ACER3: variants seen among roughly 807,000 people sequenced by gnomAD.
ACER3 encodes the protein alkCDase 3.
In ACER3, 16 loss-of-function variants were observed where a neutral mutation model predicts 48.9. The ratio of observed to expected loss-of-function variants is 0.33; its 90% CI spans 0.22 to 0.50. ACER3 has a LOEUF of 0.50. Ranked by LOEUF, ACER3 falls within the 20% of genes least tolerant of loss-of-function variation. ACER3 has a pLI of 0.98. For synonymous variants in ACER3, 109 were observed against 107.8 expected (o/e 1.01, Z -0.07); for missense variants, 227 against 326.0 (o/e 0.70, Z 2.34).
At chr11:76,911,929 G>A (rs1946388460) in intron 1 of ACER3, among the ~76,000 whole-genome samples, 1 of 152,156 alleles carries the variant, frequency 6.6e-6, no homozygotes, top group African/African-American at 2.4e-5. Flanking sequence ...AATTCTTAGA[G>A]GGAAGCTGGG....
chr11:76,881,624 TG>T (rs1245147567), intron 1 of ACER3, among the ~76,000 whole-genome samples: 2 of 152,278 alleles, frequency 1.3e-5, no homozygotes, highest in East Asian at 3.9e-4. Context: ...CTACCTACCT[TG>T]TTCTTTATGC....
intron 1 of ACER3, among the ~76,000 whole-genome samples, chr11:76,878,728 A>C (rs1945448397): frequency 6.6e-6 from 1 of 152,046 alleles, no homozygotes. Flanking sequence ...GTTTATGTTT[A>C]GTTTTCTAAG....
At chr11:76,886,225 C>T (rs952547130) in intron 1 of ACER3, among the ~76,000 whole-genome samples, 1 of 152,090 alleles carries the variant, frequency 6.6e-6, no homozygotes, top group Non-Finnish European at 1.5e-5. Flanking sequence ...CTGCAAATGG[C>T]CCTGTGGCTG....
At chr11:76,944,804 C>G (rs544316905) in intron 2 of ACER3, among the ~76,000 whole-genome samples, 120 of 152,104 alleles carry the variant, frequency 7.9e-4, no homozygotes, top group African/African-American at 2.8e-3. Context: ...GTTTTCTGAA[C>G]TTTTTGATCT....
Position 76,975,167 on chromosome 11 carries a change from G to A in ACER3, c.268-1122G>A, listed in dbSNP as rs568325325. Among the ~76,000 whole-genome samples the A allele has an allele frequency of 1.1e-4, 17 of 152,066 alleles. No individual in the cohort carries two copies. The East Asian group carries it at 2.7e-3, about 24-fold the overall frequency. On this transcript the variant is annotated intron_variant, in intron 3 of 10. Coordinates refer to ENST00000532485, the MANE Select transcript of ACER3 (RefSeq NM_018367.7). ...TTCTTTGGCTTTTGTGTCTTTTGTT[G>A]GAGTCCTTACTCTATATTTAATCAT...
intron 1 of ACER3, among the ~76,000 whole-genome samples, chr11:76,872,894 C>CTTTTTTTTTTTTTTTTTTTTTTTTTTT (rs1945276868): frequency 8.0e-6 from 1 of 124,782 alleles, no homozygotes; most frequent in Non-Finnish European, 1.7e-5. Context: ...TTCTTTCTTT[C>CTTTTTTTTTTTTTTTTTTTTTTTTTTT]TTTCTTTTTT....
intron 2 of ACER3, among the ~76,000 whole-genome samples, chr11:76,951,212 C>T (rs1214498307): frequency 6.6e-6 from 1 of 152,150 alleles, no homozygotes; most frequent in Non-Finnish European, 1.5e-5. Context: ...AAATAAAAGT[C>T]TTAACGGGAA....
chr11:76,895,487 G>T (rs150334216), intron 1 of ACER3, among the ~76,000 whole-genome samples: 2 of 152,194 alleles, frequency 1.3e-5, no homozygotes, highest in African/African-American at 4.8e-5. Context: ...AAAGTAGAAA[G>T]AGAGATATAA....
At chr11:76,919,287 C>A (rs988687668) in intron 1 of ACER3, among the ~76,000 whole-genome samples, 4 of 152,148 alleles carry the variant, frequency 2.6e-5, no homozygotes, top group African/African-American at 9.7e-5. Context: ...ACCTACTGTC[C>A]TATGAGAAAA....
intron 5 of ACER3, among the ~76,000 whole-genome samples, chr11:76,988,862 G>T (rs1948738481): frequency 6.6e-6 from 1 of 152,172 alleles, no homozygotes; most frequent in Admixed American, 6.5e-5. Context: ...TTTGAAGTCA[G>T]ATTTAAGTTT....
At chr11:76,999,962 G>A (rs963226209) in intron 7 of ACER3, among the ~76,000 whole-genome samples, 2 of 152,028 alleles carry the variant, frequency 1.3e-5, no homozygotes, top group Admixed American at 6.5e-5. Context: ...TCACTTCTCC[G>A]GAATAAATGC....
intron 2 of ACER3, among the ~76,000 whole-genome samples, chr11:76,943,007 G>T (rs1357153326): frequency 6.6e-6 from 1 of 151,734 alleles, no homozygotes; most frequent in Non-Finnish European, 1.5e-5. Flanking sequence ...TATTTTTGTG[G>T]TATCAATTGT....
intron 3 of ACER3, among the ~76,000 whole-genome samples, chr11:76,964,885 A>C (rs1308483213): frequency 6.6e-6 from 1 of 151,286 alleles, no homozygotes; most frequent in Non-Finnish European, 1.5e-5. Context: ...AAAAACTGGA[A>C]ACTAAAAATC....
chr11:76,919,134 T>G (rs887857877), intron 1 of ACER3, among the ~76,000 whole-genome samples: 1 of 152,202 alleles, frequency 6.6e-6, no homozygotes, highest in Non-Finnish European at 1.5e-5. Flanking sequence ...TTAATGCTTC[T>G]ATTTATTTAT....
chr11:76,960,144 C>T (rs1947949341), intron 3 of ACER3, among the ~76,000 whole-genome samples: 1 of 152,108 alleles, frequency 6.6e-6, no homozygotes, highest in Admixed American at 6.5e-5. Context: ...GGCGCGGTGG[C>T]TCATGCCTGT....
intron 2 of ACER3, among the ~76,000 whole-genome samples, chr11:76,935,465 A>C (rs1332032092): frequency 6.6e-6 from 1 of 152,242 alleles, no homozygotes; most frequent in Admixed American, 6.5e-5. Flanking sequence ...GATTGTAAAA[A>C]TGAAATTATT....
At chr11:76,960,502 A>G (rs1325426404) in intron 3 of ACER3, among the ~76,000 whole-genome samples, 1 of 152,194 alleles carries the variant, frequency 6.6e-6, no homozygotes, top group East Asian at 1.9e-4. Context: ...AAAATTATGA[A>G]TAAAGTATTT....
At chr11:76,959,078 AG>A in intron 3 of ACER3, 47 bp downstream of exon 3, 1 of 1,612,780 alleles carries the variant, frequency 6.2e-7, no homozygotes, top group Non-Finnish European at 8.5e-7. Context: ...TTAATTCAGA[AG>A]TACTTCAGAT....
chr11:76,920,863 TC>T (rs1946669689), intron 1 of ACER3, among the ~76,000 whole-genome samples: 1 of 152,150 alleles, frequency 6.6e-6, no homozygotes, highest in African/African-American at 2.4e-5. Flanking sequence ...GGTGTCGAAC[TC>T]CTGGGCTCAA....
Sources: gnomAD v4.1 joint callset for allele counts (sites outside exome capture counted in the v4.1 genomes callset) on GRCh38, gnomAD v4.1.1 for gene constraint, MANE v1.5 for transcripts, NCBI Gene and HGNC (gene_info 2026-07-23, HGNC 2026-07-21) for gene names.